The following PHC2 variants were observed in gnomAD, a reference collection of about 807,000 sequenced individuals.
PHC2 encodes the protein polyhomeotic homolog 2, also known as polyhomeotic-like protein 2.
A neutral mutation model predicts 87.4 loss-of-function variants in PHC2; 29 were observed. The observed-to-expected ratio is 0.33, with a 90% CI of 0.25 to 0.45. The LOEUF is 0.45. Among genes scored for constraint, PHC2 ranks in the 20% least tolerant of loss-of-function variants. PHC2 has a pLI of 1.00. For missense variants in PHC2, 857 were observed against 1,136.7 expected, an observed-to-expected ratio of 0.75 and a Z score of 3.54; for synonymous variants, 438 against 461.7, an observed-to-expected ratio of 0.95 and a Z score of 0.66.
chr1:33,393,776 C>T (rs181364430), intron 1 of PHC2, among the ~76,000 whole-genome samples: 6 of 18,736 alleles, frequency 3.2e-4, no homozygotes, highest in African/African-American at 2.8e-3. Context: ...ATGGGGACAA[C>T]GAAGAGATGG....
At chr1:33,415,570 T>G (rs1650170763) in intron 1 of PHC2, among the ~76,000 whole-genome samples, 1 of 152,140 alleles carries the variant, frequency 6.6e-6, no homozygotes, top group African/African-American at 2.4e-5. Flanking sequence ...ATAATGAAAT[T>G]TAATCATCAA....
chr1:33,423,961 G>A (rs1557850498), intron 1 of PHC2, among the ~76,000 whole-genome samples: 1 of 152,078 alleles, frequency 6.6e-6, no homozygotes, highest in Non-Finnish European at 1.5e-5. Context: ...GCCGGGCATG[G>A]TGGCACACAC....
intron 9 of PHC2, among the ~76,000 whole-genome samples, chr1:33,342,223 G>A (rs1469420991): frequency 1.3e-5 from 2 of 152,250 alleles, no homozygotes; most frequent in East Asian, 1.9e-4. Flanking sequence ...ACTGCAAAAT[G>A]CTCTTGCTGG....
chr1:33,326,975 G>T (rs1032890922), intron 14 of PHC2, among the ~76,000 whole-genome samples: 1 of 151,974 alleles, frequency 6.6e-6, no homozygotes, highest in Non-Finnish European at 1.5e-5. Context: ...AAAGTCAAAG[G>T]TAATATAAAA....
intron 1 of PHC2, among the ~76,000 whole-genome samples, chr1:33,428,488 G>A (rs2148413273): frequency 6.6e-6 from 1 of 152,278 alleles, no homozygotes; most frequent in South Asian, 2.1e-4. Flanking sequence ...AAAAATAAAT[G>A]TGGTCTAAGC....
chr1:33,354,570 T>A lies in PHC2; in HGVS notation c.1393-4A>T, dbSNP rs1328985951. ...CATCAGGGACACACTGCTGGGGCTG[T>A]CAAAGGACAGGACAGAGAGGGGGGC... is the stretch of plus-strand genomic sequence containing the variant. On this transcript the variant is annotated splice_region_variant and splice_polypyrimidine_tract_variant and intron_variant, in intron 8 of 14. Coordinates refer to ENST00000683057, the MANE Select transcript of PHC2 (RefSeq NM_001385109.1). The A allele has an allele frequency of 1.2e-6, 2 of 1,612,098 alleles. No homozygotes were observed. Among genetic ancestry groups the A allele is most frequent in the Non-Finnish European group, 1.7e-6 (2 of 1,178,936 alleles).
intron 1 of PHC2, among the ~76,000 whole-genome samples, chr1:33,405,769 G>C (rs1319508663): frequency 6.6e-6 from 1 of 152,062 alleles, no homozygotes; most frequent in East Asian, 1.9e-4. Context: ...GATTATATAT[G>C]TGTACTGCTT....
chr1:33,357,585 T>C (rs1368665935), intron 7 of PHC2, among the ~76,000 whole-genome samples: 1 of 152,016 alleles, frequency 6.6e-6, no homozygotes, highest in Non-Finnish European at 1.5e-5. Context: ...TTGAGGGAAG[T>C]GTGTTGGGTT....
At chr1:33,346,349 GTCA>G in intron 9 of PHC2, 1 of 985,390 alleles carries the variant, frequency 1.0e-6, no homozygotes, top group Non-Finnish European at 1.2e-6. Context: ...ACCACAGAAA[GTCA>G]TCATCATGAT....
intron 3 of PHC2, 82 bp downstream of exon 3, chr1:33,372,207 G>C: frequency 7.3e-7 from 1 of 1,366,682 alleles, no homozygotes; most frequent in Admixed American, 2.3e-5. Context: ...GTGAAGCGCA[G>C]GTGCGGTGCC....
At chr1:33,405,349 C>T (rs954715675) in intron 1 of PHC2, among the ~76,000 whole-genome samples, 3 of 152,018 alleles carry the variant, frequency 2.0e-5, no homozygotes, top group Non-Finnish European at 2.9e-5. Context: ...TACCACCACG[C>T]CTGGCTAATT....
In PHC2 at chr1:33,368,548, G is replaced by A. The variant is rs773234689; in HGVS notation, c.651C>T (p.Pro217=). 10 of 1,532,930 alleles carry A rather than the reference G, an allele frequency of 6.5e-6. No individual in the cohort carries two copies. The highest frequency in any genetic ancestry group is 4.8e-5 in the South Asian group (4 of 83,300). 95.0% of individuals were successfully genotyped at this position (1,532,930 alleles called of 1,614,324 possible). A position where few individuals can be genotyped will look rare whatever the true frequency, so the allele number is the denominator to read the frequency against. ...ELGTGSPARP[P]TPAQVQNLTL... is the part of the protein sequence containing the mutation. ...ATGGAGTCCTCACCTGGGCGGGGGTGGGGGGCCGGGCGGGGGAGCCAGTGC... is the reference window on the plus strand; with the variant it reads ...ATGGAGTCCTCACCTGGGCGGGGGTAGGGGGCCGGGCGGGGGAGCCAGTGC... Residue 217 remains proline, a synonymous_variant, in exon 6 of 15, where the codon CCC becomes CCT. Transcript: ENST00000683057. This position sits in a 1 kb window ranked among gnomAD's most constrained non-coding sequence, Gnocchi z 6.6.
rs900313223 is a variant in PHC2 at position 33,349,325 on chromosome 1, G to T, written c.1558+5076C>A. 1.1e-5 allele frequency: 11 copies of T among 985,362 alleles called. No individual in the cohort carries two copies. Among genetic ancestry groups the T allele is most frequent in the Non-Finnish European group, 1.3e-5 (11 of 829,966 alleles). 61.0% of individuals were successfully genotyped at this position (985,362 alleles called of 1,614,324 possible). The stretch of plus-strand genomic sequence containing the variant: ...CGGTCCTAGGTTGGGGCTGGGGTGG[G>T]GTGTGCGGGGCCTGGGGACGCGGAA... On this transcript the variant is annotated intron_variant, in intron 9 of 14. Transcript: ENST00000683057. The surrounding 1 kb of genome is among the most constrained non-coding windows in gnomAD (Gnocchi z 4.2).
intron 14 of PHC2, among the ~76,000 whole-genome samples, chr1:33,326,575 T>C (rs1646375818): frequency 6.6e-6 from 1 of 152,210 alleles, no homozygotes; most frequent in Non-Finnish European, 1.5e-5. Context: ...ATTCTGGGTG[T>C]GGTTTTTGTC....
intron 14 of PHC2, 64 bp from the exon 15 acceptor site, chr1:33,325,083 T>C: frequency 2.8e-6 from 4 of 1,446,252 alleles, no homozygotes; most frequent in Non-Finnish European, 3.8e-6. Flanking sequence ...TGGCAGCCAC[T>C]GCATCTAGTT....
At chr1:33,343,040 A>G (rs1202437260) in intron 9 of PHC2, among the ~76,000 whole-genome samples, 1 of 152,186 alleles carries the variant, frequency 6.6e-6, no homozygotes, top group East Asian at 1.9e-4. Flanking sequence ...TGGTTTCTCC[A>G]TCTGTAACAA....
chr1:33,344,707 G>A (rs1646813612), intron 9 of PHC2, among the ~76,000 whole-genome samples: 1 of 152,040 alleles, frequency 6.6e-6, no homozygotes, highest in South Asian at 2.1e-4. Flanking sequence ...ACACTTAAGC[G>A]ATCCTCCCAC....
Position 33,339,591 on chromosome 1 carries a change from A to C in PHC2, c.1559-5299T>G, listed in dbSNP as rs559685569. Among the ~76,000 whole-genome samples the C allele has an allele frequency of 5.9e-5, 9 of 152,338 alleles. No individual in the cohort carries two copies. The South Asian group carries it at 1.9e-3, about 32-fold the overall frequency. ...AAGGCAGGATGACCTCTAGAGGCAG[A>C]GGCAGGGAGGCTCCTAGGACCAGTG... is the stretch of plus-strand genomic sequence containing the variant. On this transcript the variant is annotated intron_variant, in intron 9 of 14. Transcript: ENST00000683057.
intron 13 of PHC2, 142 bp downstream of exon 13, chr1:33,329,929 C>A: frequency 1.1e-6 from 1 of 890,070 alleles, no homozygotes; most frequent in Non-Finnish European, 1.8e-6. Context: ...GCAGAAGGCT[C>A]GACTGGACAG....
Sources: gnomAD v4.1 joint callset for allele counts (sites outside exome capture counted in the v4.1 genomes callset) on GRCh38, gnomAD v4.1.1 for gene constraint, Gnocchi (gnomAD v3.1) non-coding constraint, MANE v1.5 for transcripts, NCBI Gene and HGNC (gene_info 2026-07-23, HGNC 2026-07-21) for gene names.